GATAD2A: variants seen among roughly 807,000 people sequenced by gnomAD.
GATAD2A encodes transcriptional repressor p66-alpha.
GATAD2A carries 12 observed loss-of-function variants against 68.5 expected under a neutral mutation model. That is an observed-to-expected ratio of 0.18 (90% confidence interval 0.11 to 0.28). The LOEUF is 0.28. Among genes scored for constraint, GATAD2A ranks in the 10% least tolerant of loss-of-function variants. The pLI, the probability that GATAD2A is intolerant of heterozygous loss-of-function variation, is 1.00. For missense variants in GATAD2A, 755 were observed against 868.5 expected (o/e 0.87, Z 1.64); for synonymous variants, 410 against 375.3 (o/e 1.09, Z -1.07).
intron 1 of GATAD2A, among the ~76,000 whole-genome samples, chr19:19,452,586 G>A (rs576409301): frequency 2.0e-5 from 3 of 151,976 alleles, no homozygotes; most frequent in African/African-American, 7.2e-5. Context: ...CCCAGGCCTG[G>A]GGGGGTGAAG....
At chr19:19,424,006 T>A (rs892408113) in intron 1 of GATAD2A, among the ~76,000 whole-genome samples, 5 of 152,126 alleles carry the variant, frequency 3.3e-5, no homozygotes. Context: ...CACTGTAACA[T>A]TTAAACTCCA....
intron 2 of GATAD2A, among the ~76,000 whole-genome samples, chr19:19,484,212 G>A (rs1281893166): frequency 2.0e-5 from 3 of 152,132 alleles, no homozygotes; most frequent in Non-Finnish European, 2.9e-5. Context: ...AGCCATGATC[G>A]TGCCACTGTG....
intron 6 of GATAD2A, 54 bp from the exon 7 acceptor site, chr19:19,495,998 G>T: frequency 1.3e-6 from 2 of 1,591,784 alleles, no homozygotes; most frequent in Non-Finnish European, 1.7e-6. Flanking sequence ...TTCCGGTCCC[G>T]CTCCATTGTT....
At chr19:19,495,067 C>T (rs1036160424) in intron 5 of GATAD2A, among the ~76,000 whole-genome samples, 2 of 149,480 alleles carry the variant, frequency 1.3e-5, no homozygotes, top group South Asian at 4.3e-4. Context: ...ACGATCTCAG[C>T]TGACTGTAGC....
rs201876986 is a variant in GATAD2A at position 19,501,121 on chromosome 19, G to C, written c.1208G>C (p.Gly403Ala). 2.5e-6 allele frequency: 4 copies of C among 1,607,342 alleles called. No individual in the cohort carries two copies. Among genetic ancestry groups the C allele is most frequent in the Non-Finnish European group, 3.4e-6 (4 of 1,175,178 alleles). Residue 403 changes from glycine to alanine, a missense_variant, in exon 9 of 12, where the codon GGC (glycine) becomes GCC (alanine). Physicochemically the swap from Gly to Ala is moderately conservative, Grantham distance 60. Transcript: ENST00000683918. The stretch of plus-strand genomic sequence containing the variant: ...GCCATGTGCTGTCTGCTTGCAGCAG[G>C]CAGGATGTCGGCCGCCACTGTGCTG... ...VVQNLLETQA[G>A]RMSAATVLSR... is the part of the protein sequence containing the mutation.
At chr19:19,446,223 G>A (rs933401260) in intron 1 of GATAD2A, among the ~76,000 whole-genome samples, 3 of 152,168 alleles carry the variant, frequency 2.0e-5, no homozygotes, top group Non-Finnish European at 4.4e-5. Flanking sequence ...AGCCATCCTA[G>A]TGGGTGTGAA....
In GATAD2A at chr19:19,505,816, C is replaced by T. The variant is rs1265033060; in HGVS notation, c.*342C>T. 1.8e-5 allele frequency: 8 copies of T among 436,766 alleles called. No homozygotes were observed. Among genetic ancestry groups the T allele is most frequent in the East Asian group, 3.5e-5 (1 of 28,188 alleles). 27.1% of individuals were successfully genotyped at this position (436,766 alleles called of 1,614,324 possible). A position where few individuals can be genotyped will look rare whatever the true frequency, so the allele number is the denominator to read the frequency against. ...CCTGGCCCCCTTGTTCAGCCCCTGC[C>T]GGCACACGGGCGGCTCACCCTGGAC... is the stretch of plus-strand genomic sequence containing the variant. On this transcript the variant is annotated 3_prime_UTR_variant, in exon 12 of 12. Coordinates refer to ENST00000683918, the MANE Select transcript of GATAD2A (RefSeq NM_001384528.1).
chr19:19,419,266 G>C (rs1224031175), intron 1 of GATAD2A, among the ~76,000 whole-genome samples: 1 of 152,172 alleles, frequency 6.6e-6, no homozygotes, highest in South Asian at 2.1e-4. Flanking sequence ...GATGAGAATT[G>C]GTCCTAGTTT....
At chr19:19,492,971 TCA>T (rs1339602330) in intron 4 of GATAD2A, among the ~76,000 whole-genome samples, 1 of 148,264 alleles carries the variant, frequency 6.7e-6, no homozygotes, top group Non-Finnish European at 1.5e-5. Context: ...AGATGGAATC[TCA>T]CTCTGTCGCC....
At chr19:19,414,330 G>A (rs547058857) in intron 1 of GATAD2A, among the ~76,000 whole-genome samples, 2 of 152,198 alleles carry the variant, frequency 1.3e-5, no homozygotes, top group East Asian at 3.9e-4. Flanking sequence ...GGAAACTGAG[G>A]CTCAAGCGGA....
chr19:19,470,139 C>CTTTA lies in GATAD2A; in HGVS notation c.269+4529_269+4532dup, dbSNP rs2058174714. Among the ~76,000 whole-genome samples, 3 of 141,392 alleles carry CTTTA rather than the reference C, an allele frequency of 2.1e-5. No homozygotes were observed. The Admixed American group carries it at 2.2e-4, about 10-fold the overall frequency. The allele number at this position is 141,392 out of a possible 152,430, so 92.8% of individuals were successfully genotyped here. On this transcript the variant is annotated intron_variant, in intron 2 of 11. Transcript: ENST00000683918. ...AAAAATTACTAGAGCCAAACTGCGA[C>CTTTA]TTTATTTTTTTTTTTGTTTTTTTTT...
At chr19:19,474,004 G>T in intron 2 of GATAD2A, 1 of 982,014 alleles carries the variant, frequency 1.0e-6, no homozygotes, top group Non-Finnish European at 1.2e-6. Context: ...AAACAAATCA[G>T]AAAGTAATGT....
Position 19,414,418 on chromosome 19 carries a change from A to T in GATAD2A, c.-7+8399A>T, listed in dbSNP as rs141696446. 5.3e-3 allele frequency among the ~76,000 whole-genome samples: 799 copies of T among 151,904 alleles called. 6 individuals are homozygous for T. Among genetic ancestry groups the T allele is most frequent in the South Asian group, 0.04 (195 of 4,816 alleles). On this transcript the variant is annotated intron_variant, in intron 1 of 11. Coordinates refer to ENST00000683918, the MANE Select transcript of GATAD2A (RefSeq NM_001384528.1). ...TGTTTTCTCCTGGAATTAGACTTTC[A>T]GATCTCTGTTGTTCTTACTGATGTC...
intron 8 of GATAD2A, 74 bp from the exon 9 acceptor site, chr19:19,501,044 C>A: frequency 7.3e-7 from 1 of 1,368,478 alleles, no homozygotes; most frequent in Non-Finnish European, 1.0e-6. Flanking sequence ...CTCCAGCATC[C>A]TGGGCTGGGG....
chr19:19,499,341 A>G (rs574778916), intron 8 of GATAD2A, among the ~76,000 whole-genome samples: 178 of 152,234 alleles, frequency 1.2e-3, no homozygotes, highest in African/African-American at 4.2e-3. Flanking sequence ...TTCTGCCCAC[A>G]GGTTGAGGTT....
chr19:19,408,518 C>G (rs190201752), intron 1 of GATAD2A, among the ~76,000 whole-genome samples: 360 of 152,020 alleles, frequency 2.4e-3, no homozygotes, highest in Admixed American at 4.2e-3. Context: ...TTTAGTGTCT[C>G]TGTATTTTGC....
At chr19:19,403,516 C>G (rs2049945400), upstream of GATAD2A, among the ~76,000 whole-genome samples, 1 of 152,078 alleles carries the variant, frequency 6.6e-6, no homozygotes, top group Non-Finnish European at 1.5e-5. Context: ...ACCCCTCACT[C>G]CACAGGGGTG....
At chr19:19,434,580 G>A (rs966835797) in intron 1 of GATAD2A, among the ~76,000 whole-genome samples, 9 of 152,164 alleles carry the variant, frequency 5.9e-5, no homozygotes, top group Admixed American at 1.3e-4. Flanking sequence ...TGGTAGTCCT[G>A]TGGGTGCAAA....
chr19:19,411,066 A>C (rs1466477553), intron 1 of GATAD2A, among the ~76,000 whole-genome samples: 1 of 152,132 alleles, frequency 6.6e-6, no homozygotes, highest in East Asian at 1.9e-4. Context: ...GCAAACTGTC[A>C]CTGTCTGCAT....
Sources: allele counts gnomAD v4.1 joint callset (sites outside exome capture counted in the v4.1 genomes callset), GRCh38; gene constraint gnomAD v4.1.1; transcripts MANE v1.5; gene names NCBI Gene and HGNC (gene_info 2026-07-23, HGNC 2026-07-21).